Variants in HOPX observed in about 807,000 individuals in gnomAD.
HOPX encodes HOP homeobox.
HOPX carries 5 observed loss-of-function variants against 11.8 expected under a neutral mutation model. The ratio of observed to expected loss-of-function variants is 0.43; its 90% CI spans 0.22 to 0.89. The LOEUF (loss-of-function observed/expected upper bound fraction) is 0.89, where lower values mean the gene tolerates loss of function less well. Among genes scored for constraint, HOPX ranks in the 40% least tolerant of loss-of-function variants. The probability of loss-of-function intolerance (pLI) is 0.28; values close to 1 mark genes in which losing one functional copy is unlikely to be tolerated. For missense variants in HOPX, 119 were observed against 120.0 expected, an observed-to-expected ratio of 0.99 and a Z score of 0.04; for synonymous variants, 49 against 49.7, an observed-to-expected ratio of 0.99 and a Z score of 0.06.
intron 3 of HOPX, among the ~76,000 whole-genome samples, chr4:56,655,559 C>T (rs1462887298): frequency 2.0e-5 from 3 of 149,824 alleles, no homozygotes; most frequent in African/African-American, 7.5e-5. Context: ...GCGTGTATCC[C>T]GGGCTGCCGG....
intron 1 of HOPX, chr4:56,664,663 A>G (rs1390249593): frequency 1.3e-5 from 2 of 152,152 alleles, no homozygotes; most frequent in Non-Finnish European, 2.9e-5. Context: ...CAAGAATGGC[A>G]TGGCAGGGAG....
At chr4:56,650,902 G>T in intron 3 of HOPX, 1 of 1,284,798 alleles carries the variant, frequency 7.8e-7, no homozygotes, top group Non-Finnish European at 1.1e-6. Context: ...TGTAACCTGT[G>T]TGCGTGTGTT....
At chr4:56,680,494 T>C (rs1366816605) in intron 1 of HOPX, 2 of 152,194 alleles carry the variant, frequency 1.3e-5, no homozygotes, top group African/African-American at 4.8e-5. Context: ...CCCTGTCCAG[T>C]AGCAGTGCCA....
chr4:56,657,766 G>T lies in HOPX; in HGVS notation c.42+9C>A. 1 of 1,109,368 alleles carries T rather than the reference G, an allele frequency of 9.0e-7. No individual in the cohort carries two copies. The highest frequency in any genetic ancestry group is 1.5e-5 in the African/African-American group (1 of 64,556). 68.7% of individuals were successfully genotyped at this position (1,109,368 alleles called of 1,614,324 possible). On this transcript the variant is annotated intron_variant, in intron 2 of 3. Transcript: ENST00000420433. ...CAACTTCAGAGCTGGGAAGAACCTT[G>T]GAAATTACCTCTTCCAGTCTTCTTC...
intron 3 of HOPX, 136 bp downstream of exon 3, chr4:56,655,720 TG>T: frequency 9.6e-7 from 1 of 1,043,444 alleles, no homozygotes; most frequent in Non-Finnish European, 1.4e-6. Flanking sequence ...TCTGGGCCCC[TG>T]GGATGCGGGC....
At chr4:56,657,718 C>T in intron 2 of HOPX, 57 bp downstream of exon 2, 2 of 754,008 alleles carry the variant, frequency 2.7e-6, no homozygotes, top group Admixed American at 2.0e-5. Context: ...CTGTGTGCAC[C>T]CATTGCCCGT....
At chr4:56,659,496 C>G (rs1490240400) in intron 1 of HOPX, 1 of 152,136 alleles carries the variant, frequency 6.6e-6, no homozygotes, top group Non-Finnish European at 1.5e-5. Flanking sequence ...AATTGAAAAA[C>G]AGAAGTTGAG....
chr4:56,678,438 A>ATTTT lies in HOPX; in HGVS notation c.-84+2813_-84+2816dup, dbSNP rs57921708. 9.0e-4 allele frequency among the ~76,000 whole-genome samples: 90 copies of ATTTT among 100,266 alleles called. 3 individuals are homozygous for ATTTT. The highest frequency in any genetic ancestry group is 2.7e-3 in the African/African-American group (63 of 23,394). 65.8% of individuals were successfully genotyped at this position (100,266 alleles called of 152,430 possible). A position where few individuals can be genotyped will look rare whatever the true frequency, so the allele number is the denominator to read the frequency against. On this transcript the variant is annotated intron_variant, in intron 1 of 3. Coordinates refer to ENST00000420433, the MANE Select transcript of HOPX (RefSeq NM_032495.6). ...GGTCCAGGGTGGGGCCTAGTCACTG[A>ATTTT]TTTTTTTTTTTTTTTTTTTTTTTTT...
intron 3 of HOPX, among the ~76,000 whole-genome samples, chr4:56,654,218 T>C (rs1377196736): frequency 6.6e-6 from 1 of 152,220 alleles, no homozygotes; most frequent in Non-Finnish European, 1.5e-5. Context: ...CCTCACAGCA[T>C]TGTTGTGACA....
rs575954708 is a variant in HOPX, at chr4:56,661,380, A to T, written c.-83-3481T>A. On this transcript the variant is annotated intron_variant, in intron 1 of 3. Transcript: ENST00000420433. ...TGGTGGATATCTAGGTTGTTTCCAG[A>T]TTTTTTTCTGTTTGAACATTGCCTC... 5.3e-5 allele frequency among the ~76,000 whole-genome samples: 8 copies of T among 151,976 alleles called. No individual in the cohort carries two copies. In the East Asian group the frequency reaches 1.5e-3, roughly 29 times the overall value.
intron 1 of HOPX, 119 bp downstream of exon 1, chr4:56,681,136 C>G (rs1467380250): frequency 1.0e-6 from 1 of 968,044 alleles, no homozygotes; most frequent in African/African-American, 1.8e-5. Flanking sequence ...TTCCTATTCT[C>G]CCTTTCACCT....
intron 1 of HOPX, among the ~76,000 whole-genome samples, chr4:56,658,150 T>C (rs1465764167): frequency 6.6e-6 from 1 of 152,140 alleles, no homozygotes; most frequent in African/African-American, 2.4e-5. Context: ...TCCATGAAAA[T>C]TTTGTCTTTT....
chr4:56,656,270 C>G, intron 2 of HOPX: 1 of 1,167,042 alleles, frequency 8.6e-7, no homozygotes, highest in Non-Finnish European at 1.1e-6. Flanking sequence ...CCGCGCCCCC[C>G]GGGACCCCTT....
chr4:56,661,878 T>C (rs1050753491), intron 1 of HOPX, among the ~76,000 whole-genome samples: 3 of 152,202 alleles, frequency 2.0e-5, no homozygotes, highest in Admixed American at 6.5e-5. Flanking sequence ...ACAAATATAA[T>C]GTATGGAAAA....
intron 1 of HOPX, among the ~76,000 whole-genome samples, chr4:56,661,290 G>A (rs140013574): frequency 1.5e-4 from 23 of 152,222 alleles, no homozygotes; most frequent in East Asian, 3.9e-4. Context: ...AGAGAAGTTC[G>A]TTCATATTCA....
At chr4:56,654,238 T>C (rs1048051854) in intron 3 of HOPX, among the ~76,000 whole-genome samples, 5 of 152,204 alleles carry the variant, frequency 3.3e-5, no homozygotes, top group Admixed American at 6.5e-5. Context: ...AAATAAATGA[T>C]GTACTACTTG....
At chr4:56,665,974 G>A (rs1718412582) in intron 1 of HOPX, among the ~76,000 whole-genome samples, 1 of 152,254 alleles carries the variant, frequency 6.6e-6, no homozygotes, top group East Asian at 1.9e-4. Flanking sequence ...AGGGGCAGTA[G>A]AGCCAGGTGG....
At chr4:56,680,172 C>T (rs1346868894) in intron 1 of HOPX, 2 of 152,000 alleles carry the variant, frequency 1.3e-5, no homozygotes, top group Non-Finnish European at 2.9e-5. Context: ...GGTCCGTGGA[C>T]TTCTAGGAGT....
intron 3 of HOPX, chr4:56,649,581 T>C (rs4276340): frequency 0.49 from 74,910 of 152,154 alleles, 18,954 homozygotes; most frequent in African/African-American, 0.61. Flanking sequence ...GGCCTACCAC[T>C]TTACTCAGAA....
Sources: gnomAD v4.1 joint callset for allele counts (sites outside exome capture counted in the v4.1 genomes callset) on GRCh38, gnomAD v4.1.1 for gene constraint, MANE v1.5 for transcripts, NCBI Gene and HGNC (gene_info 2026-07-23, HGNC 2026-07-21) for gene names.